Variants in CDH1 observed in about 807,000 individuals in gnomAD.
The protein encoded by CDH1 is cadherin-1.
Under a neutral mutation model 84.5 loss-of-function variants are expected in CDH1, and 35 were observed. That is an observed-to-expected ratio of 0.41 (90% CI 0.32 to 0.55). The LOEUF (loss-of-function observed/expected upper bound fraction) is 0.55, where lower values mean the gene tolerates loss of function less well. Among genes scored for constraint, CDH1 ranks in the 20% least tolerant of loss-of-function variants. CDH1 has a pLI of 0.19. For synonymous variants in CDH1, 417 were observed against 439.0 expected (o/e 0.95, Z 0.63); for missense variants, 994 against 1,126.6 (o/e 0.88, Z 1.68).
intron 2 of CDH1, among the ~76,000 whole-genome samples, chr16:68,776,879 C>G (rs1284147620): frequency 6.6e-6 from 1 of 152,160 alleles, no homozygotes; most frequent in African/African-American, 2.4e-5. Flanking sequence ...TTAGAGATTG[C>G]CATTCGGCCC....
intron 10 of CDH1, among the ~76,000 whole-genome samples, chr16:68,817,794 T>G (rs2152135937): frequency 6.6e-6 from 1 of 152,132 alleles, no homozygotes; most frequent in Admixed American, 6.5e-5. Flanking sequence ...AAGAAAGACC[T>G]AAGGAAGAGC....
At chr16:68,802,395 A>G (rs1313866781) in intron 3 of CDH1, among the ~76,000 whole-genome samples, 1 of 152,202 alleles carries the variant, frequency 6.6e-6, no homozygotes, top group African/African-American at 2.4e-5. Flanking sequence ...AAAATACGCA[A>G]GGCATACTTA....
rs115346775 is a variant in CDH1 at position 68,746,180 on chromosome 16, C to T, written c.163+7769C>T. On this transcript the variant is annotated intron_variant, in intron 2 of 15. Transcript: ENST00000261769. The stretch of plus-strand genomic sequence containing the variant: ...CGGTGGCTTACGCCTGTAATCTGCA[C>T]TTTGGGAGGCCAAGGCGGGCAGATC... Among the ~76,000 whole-genome samples the T allele has an allele frequency of 9.5e-3, 1,454 of 152,282 alleles. 27 individuals carry two copies. Among genetic ancestry groups the T allele is most frequent in the African/African-American group, 0.033 (1,370 of 41,572 alleles).
intron 2 of CDH1, among the ~76,000 whole-genome samples, chr16:68,783,536 C>G (rs2059254): frequency 6.6e-6 from 1 of 152,010 alleles, no homozygotes; most frequent in African/African-American, 2.4e-5. Flanking sequence ...GCAGTGTTAC[C>G]GATTTCTTGT....
At chr16:68,767,356 G>C (rs977318410) in intron 2 of CDH1, among the ~76,000 whole-genome samples, 1 of 151,882 alleles carries the variant, frequency 6.6e-6, no homozygotes, top group Non-Finnish European at 1.5e-5. Context: ...CACCATGCCC[G>C]GCTAATTTTT....
At position 68,828,792 on chromosome 16, in the gene CDH1, T is replaced by A. The variant is rs34927405; in HGVS notation, c.2295+488T>A. Among the ~76,000 whole-genome samples the A allele has an allele frequency of 7.3e-3, 1,117 of 152,316 alleles. 6 individuals are homozygous for A. Among genetic ancestry groups the A allele is most frequent in the Non-Finnish European group, 0.012 (822 of 68,036 alleles). On this transcript the variant is annotated intron_variant, in intron 14 of 15. Transcript: ENST00000261769. ...TGGAGATGATCTTAACATCTTACCC[T>A]GGAGTTGTCCAGGGAACTGTTCAGT...
At chr16:68,767,502 C>T (rs1040309160) in intron 2 of CDH1, among the ~76,000 whole-genome samples, 1 of 152,098 alleles carries the variant, frequency 6.6e-6, no homozygotes, top group Non-Finnish European at 1.5e-5. Flanking sequence ...CCGGCCTAGA[C>T]CATTAAGTTT....
rs1318297991 is a variant in CDH1, at chr16:68,757,789, C to CCTTT, written c.163+19391_163+19394dup. Among the ~76,000 whole-genome samples the CCTTT allele has an allele frequency of 1.2e-3, 138 of 113,430 alleles. 1 individual carries two copies. Among genetic ancestry groups the CCTTT allele is most frequent in the African/African-American group, 9.8e-4 (29 of 29,522 alleles). The allele number at this position is 113,430 out of a possible 152,430, so 74.4% of individuals were successfully genotyped here. A position where few individuals can be genotyped will look rare whatever the true frequency, so the allele number is the denominator to read the frequency against. Reference sequence around the variant, plus strand: ...TCTCTCCTTCCTTCCTTCCTTCCTTCCTTTCTTTCTTTCTTTTTTTTGAGA... The same window carrying CCTTT: ...TCTCTCCTTCCTTCCTTCCTTCCTTCCTTTCTTTCTTTCTTTCTTTTTTTTGAGA... On this transcript the variant is annotated intron_variant, in intron 2 of 15. Coordinates refer to ENST00000261769, the MANE Select transcript of CDH1 (RefSeq NM_004360.5).
intron 11 of CDH1, among the ~76,000 whole-genome samples, chr16:68,819,687 C>A (rs1449276116): frequency 6.6e-6 from 1 of 152,002 alleles, no homozygotes; most frequent in Non-Finnish European, 1.5e-5. Flanking sequence ...TCATCTACCC[C>A]CTCCCACCCC....
chr16:68,806,120 GTATATTTATTTATTTA>G (rs1208224912), intron 3 of CDH1, among the ~76,000 whole-genome samples: 10 of 123,964 alleles, frequency 8.1e-5, no homozygotes, highest in South Asian at 2.8e-4. Flanking sequence ...GCTAATTTTT[GTATATTTATTTATTTA>G]TTTATTTATT....
chr16:68,814,825 T>G (rs1960939792), intron 9 of CDH1, among the ~76,000 whole-genome samples: 1 of 148,514 alleles, frequency 6.7e-6, no homozygotes, highest in South Asian at 2.1e-4. Flanking sequence ...GAGGCTGAGG[T>G]GGGAGAATCA....
intron 2 of CDH1, among the ~76,000 whole-genome samples, chr16:68,763,939 C>T (rs1023462179): frequency 6.6e-6 from 1 of 152,180 alleles, no homozygotes; most frequent in Admixed American, 6.6e-5. Context: ...CAAGGACAAC[C>T]TGGGCGAGAG....
intron 2 of CDH1, among the ~76,000 whole-genome samples, chr16:68,743,915 T>C (rs1352351685): frequency 6.6e-6 from 1 of 152,250 alleles, no homozygotes; most frequent in Non-Finnish European, 1.5e-5. Flanking sequence ...ATTAAGTATG[T>C]ACATTCATTT....
rs1057523505 is a variant in CDH1, at chr16:68,833,498, A to G, written c.2648A>G (p.Ter883TrpextTer29). Reference sequence around the variant, plus strand: ...ATGTACGGAGGCGGCGAGGACGACTAGGGGACTCGAGAGAGGCGGGCCCCA... The same window carrying G: ...ATGTACGGAGGCGGCGAGGACGACTGGGGGACTCGAGAGAGGCGGGCCCCA... The part of the protein sequence containing the change: ...ADMYGGGEDD[*>W] Residue 883 changes from the stop codon to tryptophan (W), a stop_lost, in exon 16 of 16, where the codon TAG becomes TGG. Transcript: ENST00000261769. The G allele has an allele frequency of 6.2e-7, 1 of 1,613,048 alleles. No homozygotes were observed. Among genetic ancestry groups the G allele is most frequent in the South Asian group, 1.1e-5 (1 of 91,036 alleles).
chr16:68,820,528 T>TAGAAACAAAAAA (rs1961112847), intron 11 of CDH1, among the ~76,000 whole-genome samples: 25 of 152,016 alleles, frequency 1.6e-4, no homozygotes, highest in Admixed American at 1.6e-3. Flanking sequence ...TTTTTTGTAT[T>TAGAAACAAAAAA]TTTAGTAGAA....
At position 68,772,787 on chromosome 16, in the gene CDH1, T is replaced by A. The variant is rs138785213; in HGVS notation, c.164-28883T>A. On this transcript the variant is annotated intron_variant, in intron 2 of 15. Transcript: ENST00000261769. ...CCATCCTAACAAAAAATACAAAAAG[T>A]ACAAAAAAATTACCTGGGGGTCCCA... Among the ~76,000 whole-genome samples the A allele has an allele frequency of 2.9e-3, 435 of 151,292 alleles. 1 individual carries two copies. Among genetic ancestry groups the A allele is most frequent in the African/African-American group, 0.01 (412 of 41,162 alleles).
At chr16:68,798,067 A>T (rs968619850) in intron 2 of CDH1, among the ~76,000 whole-genome samples, 1 of 148,048 alleles carries the variant, frequency 6.8e-6, no homozygotes, top group Non-Finnish European at 1.5e-5. Context: ...TGACAGAGTG[A>T]CACTCTGTCT....
intron 2 of CDH1, chr16:68,763,645 C>G (rs902221433): frequency 6.6e-6 from 1 of 152,198 alleles, no homozygotes; most frequent in Non-Finnish European, 1.5e-5. Flanking sequence ...CCTCCTCCCC[C>G]ACTTCTGGGA....
chr16:68,760,314 C>T (rs1160702651), intron 2 of CDH1, among the ~76,000 whole-genome samples: 4 of 144,620 alleles, frequency 2.8e-5, no homozygotes, highest in African/African-American at 1.0e-4. Flanking sequence ...GGGGTTTCAC[C>T]GTGTTAGCCA....
Sources: allele counts gnomAD v4.1 joint callset (sites outside exome capture counted in the v4.1 genomes callset), GRCh38; gene constraint gnomAD v4.1.1; transcripts MANE v1.5; gene names NCBI Gene and HGNC (gene_info 2026-07-23, HGNC 2026-07-21).